The following RIC1 variants were observed in gnomAD, a reference collection of about 807,000 sequenced individuals.
RIC1 encodes the protein RIC1 partner of RAB6A GEF complex.
RIC1 carries 88 observed loss-of-function variants against 169.0 expected under a neutral mutation model. The ratio of observed to expected loss-of-function variants is 0.52; its 90% CI spans 0.44 to 0.62. The LOEUF (loss-of-function observed/expected upper bound fraction) is 0.62, where lower values mean the gene tolerates loss of function less well. Ranked by LOEUF, RIC1 falls within the 20% of genes least tolerant of loss-of-function variation. RIC1 has a pLI of 0.00. For synonymous variants in RIC1, 790 were observed against 601.5 expected, an observed-to-expected ratio of 1.31 and a Z score of -4.59; for missense variants, 1,877 against 1,725.5, an observed-to-expected ratio of 1.09 and a Z score of -1.56.
chr9:5,673,255 A>G (rs1478689325), intron 2 of RIC1, among the ~76,000 whole-genome samples: 2 of 152,046 alleles, frequency 1.3e-5, no homozygotes, highest in Non-Finnish European at 2.9e-5. Context: ...GAACAAGGCA[A>G]CTTGCAGAAG....
At chr9:5,648,341 C>G (rs985379543) in intron 1 of RIC1, among the ~76,000 whole-genome samples, 1 of 151,940 alleles carries the variant, frequency 6.6e-6, no homozygotes, top group Non-Finnish European at 1.5e-5. Context: ...TGCTTCTATT[C>G]ATAGTTTTTT....
intron 6 of RIC1, 147 bp downstream of exon 6, chr9:5,720,897 T>C: frequency 1.5e-6 from 1 of 681,842 alleles, no homozygotes; most frequent in Non-Finnish European, 2.4e-6. Context: ...ATAGTATAAG[T>C]AGACAAAATT....
intron 1 of RIC1, among the ~76,000 whole-genome samples, chr9:5,652,766 G>A (rs1006759426): frequency 6.6e-6 from 1 of 151,902 alleles, no homozygotes; most frequent in African/African-American, 2.4e-5. Flanking sequence ...GTGAAAGATA[G>A]TATCCTTGTC....
intron 11 of RIC1, among the ~76,000 whole-genome samples, chr9:5,746,916 T>C (rs908775017): frequency 6.6e-6 from 1 of 152,134 alleles, no homozygotes; most frequent in African/African-American, 2.4e-5. Context: ...GAAGAGAGCA[T>C]TTCTCCCTCC....
intron 1 of RIC1, among the ~76,000 whole-genome samples, chr9:5,651,168 T>C (rs1000118036): frequency 1.1e-4 from 16 of 152,306 alleles, no homozygotes; most frequent in African/African-American, 3.1e-4. Flanking sequence ...GAGTGTGAGC[T>C]GCTGGGTATC....
intron 1 of RIC1, among the ~76,000 whole-genome samples, chr9:5,632,591 T>TA (rs369708030): frequency 6.6e-6 from 1 of 152,054 alleles, no homozygotes; most frequent in African/African-American, 2.4e-5. Flanking sequence ...CAAATGGTGT[T>TA]AAAAAAAGGC....
intron 2 of RIC1, among the ~76,000 whole-genome samples, chr9:5,671,275 T>A (rs922415662): frequency 6.2e-4 from 82 of 132,352 alleles, no homozygotes; most frequent in African/African-American, 2.6e-3. Flanking sequence ...ATTATTATTA[T>A]TTTTTTTTTT....
At chr9:5,776,863 A>G (rs1827617090), downstream of RIC1, among the ~76,000 whole-genome samples, 1 of 152,106 alleles carries the variant, frequency 6.6e-6, no homozygotes, top group African/African-American at 2.4e-5. Context: ...ACATGTAAGT[A>G]TAGAGGAACC....
intron 7 of RIC1, among the ~76,000 whole-genome samples, chr9:5,735,074 A>C (rs1824617708): frequency 6.6e-6 from 1 of 152,082 alleles, no homozygotes; most frequent in Non-Finnish European, 1.5e-5. Flanking sequence ...ATATTTGGTT[A>C]TTATTTCTCT....
Position 5,763,175 on chromosome 9 carries a change from T to G in RIC1, c.2148T>G (p.Ser716=). 6 of 1,614,152 alleles carry G rather than the reference T, an allele frequency of 3.7e-6. No homozygotes were observed. The highest frequency in any genetic ancestry group is 5.1e-6 in the Non-Finnish European group (6 of 1,180,000). ...GTCCTCCTGTTGTACTAGCCCAGTCTGTTGAAAATGTCTGGACAACGTGTC... is the reference window on the plus strand; with the variant it reads ...GTCCTCCTGTTGTACTAGCCCAGTCGGTTGAAAATGTCTGGACAACGTGTC... ...PFCPPVVLAQ[S]VENVWTTCRA... is the part of the protein sequence containing the mutation. Residue 716 remains serine (S), a synonymous_variant, in exon 19 of 26, where the codon TCT becomes TCG. Coordinates refer to ENST00000414202, the MANE Select transcript of RIC1 (RefSeq NM_020829.4). The surrounding 1 kb of genome is among the most constrained non-coding windows in gnomAD (Gnocchi z 5.2).
At chr9:5,643,347 A>C (rs1269582366) in intron 1 of RIC1, among the ~76,000 whole-genome samples, 1 of 152,118 alleles carries the variant, frequency 6.6e-6, no homozygotes, top group Non-Finnish European at 1.5e-5. Flanking sequence ...ATATAAACAC[A>C]TACTGAGAAC....
intron 3 of RIC1, among the ~76,000 whole-genome samples, chr9:5,712,412 G>C (rs1265485237): frequency 2.8e-4 from 43 of 152,140 alleles, no homozygotes; most frequent in Non-Finnish European, 7.4e-5. Context: ...GCAACCTACA[G>C]AATGGGAGAA....
chr9:5,673,535 G>GAT (rs59648906), intron 2 of RIC1, among the ~76,000 whole-genome samples: 56,131 of 119,090 alleles, frequency 0.47, 13,469 homozygotes, highest in East Asian at 0.52. Flanking sequence ...AACATAAGGA[G>GAT]ATATATATAT....
chr9:5,684,275 C>CT (rs1821066224), intron 2 of RIC1, among the ~76,000 whole-genome samples: 1 of 1,732 alleles, frequency 5.8e-4, no homozygotes, highest in Non-Finnish European at 5.6e-3. Context: ...CTTGGCTCCA[C>CT]CCCCCCCCCC....
Position 5,738,542 on chromosome 9 carries a change from AG to A in RIC1, c.901+5del. 4.7e-6 allele frequency: 4 copies of A among 851,640 alleles called. No homozygotes were observed. Among genetic ancestry groups the A allele is most frequent in the Non-Finnish European group, 5.3e-6 (3 of 565,624 alleles). The allele number at this position is 851,640 out of a possible 1,614,324, so 52.8% of individuals were successfully genotyped here. A position where few individuals can be genotyped will look rare whatever the true frequency, so the allele number is the denominator to read the frequency against. On this transcript the variant is annotated splice_donor_5th_base_variant and intron_variant, in intron 8 of 25. Transcript: ENST00000414202. ...CTAACAGCAAAACAGTATCCTGGTGAGTCTTTTTTTTTTTTTTTTTTTTTAA... is the reference window on the plus strand; with the variant it reads ...CTAACAGCAAAACAGTATCCTGGTGATCTTTTTTTTTTTTTTTTTTTTTAA...
chr9:5,720,592 A>T, intron 5 of RIC1, 22 bp from the exon 6 acceptor site: 1 of 1,571,030 alleles, frequency 6.4e-7, no homozygotes, highest in Non-Finnish European at 8.6e-7. Context: ...ATCCTATTTC[A>T]TGTGCTTATT....
intron 3 of RIC1, among the ~76,000 whole-genome samples, chr9:5,703,213 C>T (rs1051548805): frequency 3.7e-4 from 56 of 152,216 alleles, no homozygotes; most frequent in African/African-American, 1.3e-3. Context: ...TTCCAAGATA[C>T]AATGGGAATA....
chr9:5,757,243 A>G, intron 16 of RIC1, 70 bp from the exon 17 acceptor site: 1 of 1,509,910 alleles, frequency 6.6e-7, no homozygotes, highest in East Asian at 2.3e-5. Context: ...TAATACTATT[A>G]CTAGTGGAAA....
chr9:5,651,946 G>C (rs909261953), intron 1 of RIC1, among the ~76,000 whole-genome samples: 1 of 152,130 alleles, frequency 6.6e-6, no homozygotes, highest in African/African-American at 2.4e-5. Flanking sequence ...TGGCTATCCA[G>C]GTTTCCCAGC....
Sources: allele counts gnomAD v4.1 joint callset (sites outside exome capture counted in the v4.1 genomes callset), GRCh38; gene constraint gnomAD v4.1.1; non-coding constraint Gnocchi (gnomAD v3.1); transcripts MANE v1.5; gene names NCBI Gene and HGNC (gene_info 2026-07-23, HGNC 2026-07-21).